HPF1: variants seen among roughly 807,000 people sequenced by gnomAD.
HPF1 encodes histone PARylation factor 1.
A neutral mutation model predicts 38.8 loss-of-function variants in HPF1; 35 were observed. The observed-to-expected ratio is 0.90, with a 90% confidence interval of 0.69 to 1.19. The LOEUF (loss-of-function observed/expected upper bound fraction) is 1.19. HPF1 is among the 50% of genes most tolerant of loss of function. HPF1 has a pLI of 0.00. For missense variants in HPF1, 367 were observed against 405.8 expected, an observed-to-expected ratio of 0.90 and a Z score of 0.82; for synonymous variants, 115 against 139.2, an observed-to-expected ratio of 0.83 and a Z score of 1.22.
chr4:169,735,472 G>A (rs1333542695), intron 6 of HPF1, among the ~76,000 whole-genome samples: 1 of 152,138 alleles, frequency 6.6e-6, no homozygotes, highest in Non-Finnish European at 1.5e-5. Context: ...AGAAGATTAG[G>A]TCCTTCAGTC....
chr4:169,738,058 T>C (rs1319174668), intron 5 of HPF1, among the ~76,000 whole-genome samples: 2 of 152,156 alleles, frequency 1.3e-5, no homozygotes, highest in Non-Finnish European at 2.9e-5. Flanking sequence ...AGTCAAAATA[T>C]TGGTTTCCTC....
intron 5 of HPF1, among the ~76,000 whole-genome samples, chr4:169,740,745 C>T (rs1581316388): frequency 2.0e-5 from 3 of 152,014 alleles, no homozygotes; most frequent in Admixed American, 2.0e-4. Flanking sequence ...GGGGAGGGGT[C>T]TAGGACAAAA....
Position 169,750,721 on chromosome 4 carries a change from TG to T in HPF1, c.212del (p.Ser71TyrfsTer10), listed in dbSNP as rs751569785. Reference sequence around the variant, plus strand: ...ATTGAAGTCCAAGGCTTGCAGAAAGTGAATCTATAAAGAAAATAAATTTAGA... The same window carrying T: ...ATTGAAGTCCAAGGCTTGCAGAAAGTAATCTATAAAGAAAATAAATTTAGA... ...EELDPEKPSD[S>X]LSASLGLQLV... On this transcript the variant is annotated frameshift_variant, in exon 3 of 8. Coordinates refer to ENST00000393381, the MANE Select transcript of HPF1 (RefSeq NM_017867.3). LOFTEE classifies it high-confidence loss of function. 15 of 1,597,440 alleles carry T rather than the reference TG, an allele frequency of 9.4e-6. No homozygotes were observed. The Admixed American group carries it at 1.2e-4, about 13-fold the overall frequency.
At chr4:169,741,127 A>G (rs1168991609) in intron 5 of HPF1, among the ~76,000 whole-genome samples, 2 of 152,216 alleles carry the variant, frequency 1.3e-5, no homozygotes, top group African/African-American at 4.8e-5. Context: ...CTTGATACAA[A>G]TGTCACCCCT....
At chr4:169,735,414 A>C (rs1469136053) in intron 6 of HPF1, among the ~76,000 whole-genome samples, 1 of 152,240 alleles carries the variant, frequency 6.6e-6, no homozygotes, top group East Asian at 1.9e-4. Flanking sequence ...TCACATTAAC[A>C]AACTGCCAGT....
At position 169,748,798 on chromosome 4, in the gene HPF1, G is replaced by A; in HGVS notation, c.443C>T (p.Ala148Val). 3 of 1,522,690 alleles carry A rather than the reference G, an allele frequency of 2.0e-6. No individual in the cohort carries two copies. In the South Asian group the frequency reaches 3.7e-5, roughly 19 times the overall value. The allele number at this position is 1,522,690 out of a possible 1,614,324, so 94.3% of individuals were successfully genotyped here. The change falls in exon 4 of 8, where the codon GCA (alanine) becomes GTA (valine). Residue 148 changes from alanine (A) to valine (V), a missense_variant. By Grantham distance (64) the Ala-to-Val change is moderately conservative (BLOSUM62 0). Transcript: ENST00000393381. ...TGGAACAATTATACAATTTTTCTTTGCTTCATTTATACCAACATATACAGG... is the reference window on the plus strand; with the variant it reads ...TGGAACAATTATACAATTTTTCTTTACTTCATTTATACCAACATATACAGG... ...EFPVYVGINE[A>V]KKNCIIVPNG...
At chr4:169,754,705 A>G (rs188054091) in intron 1 of HPF1, among the ~76,000 whole-genome samples, 1 of 152,200 alleles carries the variant, frequency 6.6e-6, no homozygotes, top group East Asian at 1.9e-4. Context: ...GTGGTTCTCA[A>G]CCGGTGGTGA....
chr4:169,734,765 A>G (rs1386568860), intron 6 of HPF1, among the ~76,000 whole-genome samples: 1 of 152,206 alleles, frequency 6.6e-6, no homozygotes, highest in East Asian at 1.9e-4. Flanking sequence ...AAGCTACAGT[A>G]GTTCTGTCAA....
chr4:169,747,710 C>T (rs1734067077), intron 4 of HPF1, among the ~76,000 whole-genome samples: 2 of 152,200 alleles, frequency 1.3e-5, no homozygotes, highest in African/African-American at 4.8e-5. Context: ...TACTCTTTAG[C>T]TCAGGCTCCA....
intron 6 of HPF1, among the ~76,000 whole-genome samples, chr4:169,737,362 G>A (rs1446926582): frequency 2.0e-5 from 3 of 150,488 alleles, no homozygotes; most frequent in African/African-American, 7.3e-5. Context: ...ATTTTGTTAA[G>A]TATTTTAATA....
intron 5 of HPF1, among the ~76,000 whole-genome samples, chr4:169,738,572 T>C (rs1235953997): frequency 1.3e-5 from 2 of 152,212 alleles, no homozygotes; most frequent in Admixed American, 1.3e-4. Context: ...AAAGATTTTT[T>C]TCTCTCTAAT....
chr4:169,735,207 T>C (rs1733878019), intron 6 of HPF1, among the ~76,000 whole-genome samples: 1 of 151,856 alleles, frequency 6.6e-6, no homozygotes, highest in Non-Finnish European at 1.5e-5. Context: ...CGTGAGTCTA[T>C]TTCCTTTGTG....
In HPF1 at chr4:169,753,833, A is replaced by G; in HGVS notation, c.51T>C (p.Cys17=). 1 of 1,603,006 alleles carries G rather than the reference A, an allele frequency of 6.2e-7. No individual in the cohort carries two copies. Among genetic ancestry groups the G allele is most frequent in the Admixed American group, 1.8e-5 (1 of 56,878 alleles). Reference sequence around the variant, plus strand: ...TTTTCTTCACATCAGTTGTTTTTTCACACTGAAAATTGGCACACAAACTTT... The same window carrying G: ...TTTTCTTCACATCAGTTGTTTTTTCGCACTGAAAATTGGCACACAAACTTT... ...KRRPGGEGPQ[C]EKTTDVKKSK... is the part of the protein sequence containing the mutation. The change falls in exon 2 of 8, where the codon TGT becomes TGC. Residue 17 remains cysteine (C), a splice_region_variant and synonymous_variant. Transcript: ENST00000393381.
chr4:169,744,672 G>C (rs946337616), intron 4 of HPF1, among the ~76,000 whole-genome samples: 1 of 152,136 alleles, frequency 6.6e-6, no homozygotes, highest in African/African-American at 2.4e-5. Context: ...CGCTCACAGT[G>C]GTATTACAAG....
rs1733974714 is a variant in HPF1, at chr4:169,741,977, T to C, written c.628A>G (p.Met210Val). ...GYSLEQRTVK[M>V]KQRDKKVVTK... ...CATACTTTCTTATCTCTCTGTTTCA[T>C]CTTCACGGTTCTCTGTTCAAGCGAG... Residue 210 changes from methionine to valine, a missense_variant, in exon 5 of 8, where the codon ATG becomes GTG. Met to Val is a conservative substitution (Grantham distance 21, BLOSUM62 1). Transcript: ENST00000393381. 4 of 1,613,342 alleles carry C rather than the reference T, an allele frequency of 2.5e-6. No homozygotes were observed. The East Asian group carries it at 8.9e-5, about 36-fold the overall frequency.
intron 4 of HPF1, among the ~76,000 whole-genome samples, chr4:169,747,711 T>A (rs1734067110): frequency 6.6e-6 from 1 of 152,190 alleles, no homozygotes; most frequent in African/African-American, 2.4e-5. Flanking sequence ...ACTCTTTAGC[T>A]CAGGCTCCAC....
intron 4 of HPF1, among the ~76,000 whole-genome samples, chr4:169,743,111 A>G (rs1041011131): frequency 7.3e-5 from 11 of 151,644 alleles, no homozygotes; most frequent in African/African-American, 2.7e-4. Flanking sequence ...AAAAACAAAA[A>G]ACTGTCTTTT....
At chr4:169,750,172 C>A (rs1220980299) in intron 3 of HPF1, among the ~76,000 whole-genome samples, 1 of 152,150 alleles carries the variant, frequency 6.6e-6, no homozygotes. Context: ...TACAGGGTCA[C>A]ACAGATAATA....
intron 3 of HPF1, among the ~76,000 whole-genome samples, chr4:169,749,382 C>T (rs892554372): frequency 1.3e-5 from 2 of 151,876 alleles, no homozygotes; most frequent in East Asian, 1.9e-4. Context: ...ATAGGTACAT[C>T]GTCCTATTAT....
Sources: gnomAD v4.1 joint callset for allele counts (sites outside exome capture counted in the v4.1 genomes callset) on GRCh38, gnomAD v4.1.1 for gene constraint, MANE v1.5 for transcripts, NCBI Gene and HGNC (gene_info 2026-07-23, HGNC 2026-07-21) for gene names.